Variants in NOX4 observed in about 807,000 individuals in gnomAD.
NOX4 encodes kidney oxidase-1.
A neutral mutation model predicts 87.6 loss-of-function variants in NOX4; 69 were observed. That is an observed-to-expected ratio of 0.79 (90% CI 0.65 to 0.96). The LOEUF (loss-of-function observed/expected upper bound fraction) is 0.96. Among genes scored for constraint, NOX4 ranks in the 40% least tolerant of loss-of-function variants. The pLI is 0.00. For synonymous variants in NOX4, 275 were observed against 238.2 expected (o/e 1.15, Z -1.42); for missense variants, 680 against 681.5 (o/e 1.00, Z 0.02).
intron 13 of NOX4, among the ~76,000 whole-genome samples, chr11:89,347,211 G>C (rs535508149): frequency 6.6e-6 from 1 of 152,284 alleles, no homozygotes; most frequent in Admixed American, 6.5e-5. Flanking sequence ...ACACACAAGG[G>C]AAAGGGCTCC....
At chr11:89,542,797 T>C in the NOX4 span, among the ~76,000 whole-genome samples, 1 of 152,162 alleles carries the variant, frequency 6.6e-6, no homozygotes, top group Non-Finnish European at 1.5e-5. Flanking sequence ...GCATTTTCAA[T>C]TTAAGACTGA....
At chr11:89,573,584 G>A in the NOX4 span, among the ~76,000 whole-genome samples, 1 of 152,154 alleles carries the variant, frequency 6.6e-6, no homozygotes, top group Non-Finnish European at 1.5e-5. Context: ...TACCAGCTGC[G>A]AATCTGTACG....
chr11:89,460,952 T>A (rs1945433087), intron 2 of NOX4, among the ~76,000 whole-genome samples: 1 of 152,152 alleles, frequency 6.6e-6, no homozygotes, highest in Non-Finnish European at 1.5e-5. Context: ...ATGTGGCACA[T>A]ATACACCACG....
intron 2 of NOX4, among the ~76,000 whole-genome samples, chr11:89,480,737 T>C (rs1278681955): frequency 2.0e-5 from 3 of 152,104 alleles, no homozygotes; most frequent in Admixed American, 2.0e-4. Context: ...TGGCACAATG[T>C]CAGGCCCATG....
At chr11:89,421,177 C>T (rs964296822) in intron 8 of NOX4, among the ~76,000 whole-genome samples, 1 of 152,150 alleles carries the variant, frequency 6.6e-6, no homozygotes, top group Admixed American at 6.6e-5. Flanking sequence ...AAAACTGCTG[C>T]CAGACTTATT....
intron 8 of NOX4, among the ~76,000 whole-genome samples, chr11:89,417,327 A>G (rs1384982812): frequency 1.3e-5 from 2 of 152,100 alleles, no homozygotes; most frequent in Admixed American, 1.3e-4. Context: ...GAGGAAAGAG[A>G]TATCCAGTTC....
In NOX4 at chr11:89,394,278, C is replaced by G. The variant is rs892340137; in HGVS notation, c.1074+5739G>C. Among the ~76,000 whole-genome samples, 6 of 152,038 alleles carry G rather than the reference C, an allele frequency of 3.9e-5. No individual in the cohort carries two copies. The East Asian group carries it at 1.2e-3, about 29-fold the overall frequency. ...TATATACTAAAAAGTAAACTAACCTCTATATTTTTTATGAATACAAGGATT... is the reference window on the plus strand; with the variant it reads ...TATATACTAAAAAGTAAACTAACCTGTATATTTTTTATGAATACAAGGATT... On this transcript the variant is annotated intron_variant, in intron 11 of 17. Transcript: ENST00000263317.
At chr11:89,581,522 G>C in the NOX4 span, among the ~76,000 whole-genome samples, 1 of 152,004 alleles carries the variant, frequency 6.6e-6, no homozygotes, top group African/African-American at 2.4e-5. Context: ...AGAAATATTG[G>C]TTTGAAAATA....
At chr11:89,426,232 A>C (rs1943397274) in intron 7 of NOX4, among the ~76,000 whole-genome samples, 1 of 152,194 alleles carries the variant, frequency 6.6e-6, no homozygotes. Context: ...GCTTTAAAAT[A>C]ATTTTAACAA....
intron 11 of NOX4, among the ~76,000 whole-genome samples, chr11:89,395,184 T>C (rs1016825985): frequency 6.6e-6 from 1 of 152,210 alleles, no homozygotes; most frequent in African/African-American, 2.4e-5. Context: ...GACTTTTTAA[T>C]GATCATCATT....
At chr11:89,438,918 A>ATATATTATATATATAATATATAATATAT (rs1944321355) in intron 6 of NOX4, among the ~76,000 whole-genome samples, 1 of 18,584 alleles carries the variant, frequency 5.4e-5, no homozygotes, top group Non-Finnish European at 1.1e-4. Context: ...ATATAATATA[A>ATATATTATATATATAATATATAATATAT]AATATATATA....
At chr11:89,542,089 G>A in the NOX4 span, among the ~76,000 whole-genome samples, 5 of 152,290 alleles carry the variant, frequency 3.3e-5, no homozygotes, top group East Asian at 1.9e-4. Flanking sequence ...GGGATTACAG[G>A]CATGAGCCAC....
intron 4 of NOX4, 45 bp from the exon 5 acceptor site, chr11:89,444,277 G>C: frequency 6.6e-7 from 1 of 1,512,252 alleles, no homozygotes; most frequent in East Asian, 2.3e-5. Flanking sequence ...TTGCATATAT[G>C]CTCTATGTCA....
intron 11 of NOX4, among the ~76,000 whole-genome samples, chr11:89,394,654 C>G (rs1401828278): frequency 6.6e-6 from 1 of 151,894 alleles, no homozygotes; most frequent in Non-Finnish European, 1.5e-5. Flanking sequence ...CCTCCCCTAG[C>G]CCCCCACCCC....
intron 13 of NOX4, among the ~76,000 whole-genome samples, chr11:89,353,380 C>T (rs1261560205): frequency 6.6e-6 from 1 of 152,136 alleles, no homozygotes; most frequent in South Asian, 2.1e-4. Context: ...AATCAGTCAG[C>T]AACCATCAAC....
chr11:89,519,063 TG>T, the NOX4 span, among the ~76,000 whole-genome samples: 5 of 152,042 alleles, frequency 3.3e-5, no homozygotes, highest in Non-Finnish European at 7.4e-5. Context: ...TGTGTTAGGT[TG>T]TTGGTATCAA....
At chr11:89,435,987 G>A (rs913490678) in intron 6 of NOX4, among the ~76,000 whole-genome samples, 1 of 152,132 alleles carries the variant, frequency 6.6e-6, no homozygotes, top group Non-Finnish European at 1.5e-5. Flanking sequence ...GGGCAGAAAA[G>A]CATACTATAA....
intron 6 of NOX4, among the ~76,000 whole-genome samples, chr11:89,437,995 A>G (rs1041186390): frequency 1.3e-5 from 2 of 151,868 alleles, no homozygotes; most frequent in African/African-American, 2.4e-5. Flanking sequence ...ACAGGACAGC[A>G]GCTCCCAAAG....
rs569621344 is a variant in NOX4, at chr11:89,423,726, G to A, written c.549-1744C>T. ...CAAACAAAATAACCTGTCTGAGAACGTTGTTGAAATTGCAACACTCCTTAA... is the reference window on the plus strand; with the variant it reads ...CAAACAAAATAACCTGTCTGAGAACATTGTTGAAATTGCAACACTCCTTAA... On this transcript the variant is annotated intron_variant, in intron 7 of 17. Transcript: ENST00000263317. Among the ~76,000 whole-genome samples the A allele has an allele frequency of 1.1e-4, 16 of 151,898 alleles. No homozygotes were observed. In the South Asian group the frequency reaches 1.5e-3, roughly 14 times the overall value.
Sources: gnomAD v4.1 joint callset for allele counts (sites outside exome capture counted in the v4.1 genomes callset) on GRCh38, gnomAD v4.1.1 for gene constraint, MANE v1.5 for transcripts, NCBI Gene and HGNC (gene_info 2026-07-23, HGNC 2026-07-21) for gene names.